Variants in OR1J2 observed in about 807,000 individuals in gnomAD.
OR1J2 encodes the protein olfactory receptor family 1 subfamily J member 2.
For missense variants in OR1J2, 304 were observed against 246.1 expected (o/e 1.24, Z -1.57); for synonymous variants, 142 against 99.7 (o/e 1.42, Z -2.52).
the OR1J2 span, among the ~76,000 whole-genome samples, chr9:122,523,864 A>C: frequency 6.6e-6 from 1 of 152,214 alleles, no homozygotes; most frequent in African/African-American, 2.4e-5. Context: ...GCTTTCTATC[A>C]TGCTACCTCT....
At chr9:122,464,062 G>C in the OR1J2 span, among the ~76,000 whole-genome samples, 2 of 152,226 alleles carry the variant, frequency 1.3e-5, no homozygotes, top group Admixed American at 6.5e-5. Context: ...CCATCAGGTA[G>C]GGGCAGGGTT....
At chr9:122,552,234 A>G in the OR1J2 span, among the ~76,000 whole-genome samples, 1 of 152,212 alleles carries the variant, frequency 6.6e-6, no homozygotes, top group South Asian at 2.1e-4. Context: ...AAAAGCTTCT[A>G]AGGCCAAACT....
At chr9:122,579,296 G>C in the OR1J2 span, among the ~76,000 whole-genome samples, 1 of 151,602 alleles carries the variant, frequency 6.6e-6, no homozygotes, top group East Asian at 1.9e-4. Context: ...TTTTAATTGA[G>C]TTATATTTAA....
the OR1J2 span, among the ~76,000 whole-genome samples, chr9:122,487,501 A>G: frequency 6.6e-6 from 1 of 151,576 alleles, no homozygotes; most frequent in Non-Finnish European, 1.5e-5. Context: ...AAACTGCTTA[A>G]TGGAGTCTGT....
chr9:122,535,390 A>T, the OR1J2 span, among the ~76,000 whole-genome samples: 8 of 152,086 alleles, frequency 5.3e-5, no homozygotes, highest in African/African-American at 1.9e-4. Context: ...CAATGATTAA[A>T]CACCAAGGGA....
chr9:122,568,767 T>C, the OR1J2 span: 2 of 297,934 alleles, frequency 6.7e-6, no homozygotes, highest in African/African-American at 4.3e-5. Context: ...GTATTTCCTA[T>C]TCTGTGAAAA....
the OR1J2 span, among the ~76,000 whole-genome samples, chr9:122,473,363 A>G: frequency 2.0e-5 from 3 of 152,166 alleles, no homozygotes; most frequent in Non-Finnish European, 4.4e-5. Flanking sequence ...GTAGGGCCCT[A>G]GAGACGTGCA....
the OR1J2 span, chr9:122,567,613 T>C: frequency 6.2e-7 from 1 of 1,613,252 alleles, no homozygotes; most frequent in Non-Finnish European, 8.5e-7. Context: ...AGGCTGTAGA[T>C]AAAAGGATTG....
At chr9:122,506,321 T>C, upstream of OR1J2, among the ~76,000 whole-genome samples, 1 of 152,118 alleles carries the variant, frequency 6.6e-6, no homozygotes, top group East Asian at 1.9e-4. Flanking sequence ...AGAATACCTT[T>C]CCCAGTGGAA....
chr9:122,452,579 G>T, the OR1J2 span, among the ~76,000 whole-genome samples: 1 of 152,162 alleles, frequency 6.6e-6, no homozygotes, highest in Non-Finnish European at 1.5e-5. Context: ...AGCGAGTTGG[G>T]TAACATGCAT....
At chr9:122,507,190 C>T (rs1462443470), upstream of OR1J2, among the ~76,000 whole-genome samples, 1 of 152,108 alleles carries the variant, frequency 6.6e-6, no homozygotes, top group African/African-American at 2.4e-5. Context: ...TTGTTTAGTT[C>T]CTGATGTTTG....
the OR1J2 span, among the ~76,000 whole-genome samples, chr9:122,537,427 AG>A: frequency 2.5e-4 from 38 of 152,342 alleles, no homozygotes; most frequent in African/African-American, 8.9e-4. Context: ...TTCTTAAAAC[AG>A]GTACTGAGTA....
the OR1J2 span, among the ~76,000 whole-genome samples, chr9:122,457,157 G>T: frequency 1.3e-5 from 2 of 152,140 alleles, no homozygotes; most frequent in South Asian, 4.1e-4. Context: ...CTTATAAGTG[G>T]GAGCTGAACA....
chr9:122,558,643 T>G, the OR1J2 span, among the ~76,000 whole-genome samples: 3 of 151,638 alleles, frequency 2.0e-5, no homozygotes, highest in Admixed American at 2.0e-4. Flanking sequence ...TGGTCCAAAT[T>G]ATTAGGTTTG....
At chr9:122,568,300 T>A in the OR1J2 span, 2 of 1,613,866 alleles carry the variant, frequency 1.2e-6, no homozygotes, top group African/African-American at 2.7e-5. Flanking sequence ...AAGAAATACA[T>A]AGGGGTCTGA....
chr9:122,567,787 A>G, the OR1J2 span: 1 of 1,614,092 alleles, frequency 6.2e-7, no homozygotes. Context: ...CCAGAAGTAG[A>G]GGGAATCTTG....
the OR1J2 span, among the ~76,000 whole-genome samples, chr9:122,452,579 G>A: frequency 1.3e-5 from 2 of 152,162 alleles, no homozygotes; most frequent in Admixed American, 1.3e-4. Context: ...AGCGAGTTGG[G>A]TAACATGCAT....
the OR1J2 span, among the ~76,000 whole-genome samples, chr9:122,534,755 A>T: frequency 6.6e-6 from 1 of 152,030 alleles, no homozygotes; most frequent in Admixed American, 6.6e-5. Context: ...GGTGGGAGGG[A>T]AAGAAGGAAG....
At chr9:122,520,025 G>A in the OR1J2 span, 74 of 1,614,080 alleles carry the variant, frequency 4.6e-5, no homozygotes, top group African/African-American at 9.1e-4. Flanking sequence ...TAAGGAACAG[G>A]GACATAAAGG....
Sources: gnomAD v4.1 joint callset for allele counts (sites outside exome capture counted in the v4.1 genomes callset) on GRCh38, gnomAD v4.1.1 for gene constraint, MANE v1.5 for transcripts, NCBI Gene and HGNC (gene_info 2026-07-23, HGNC 2026-07-21) for gene names.